WWOX: variants seen among roughly 807,000 people sequenced by gnomAD.
WWOX encodes the protein WW domain-containing oxidoreductase.
Under a neutral mutation model 46.2 loss-of-function variants are expected in WWOX, and 69 were observed. The ratio of observed to expected loss-of-function variants is 1.49; its 90% confidence interval spans 1.23 to 1.82. WWOX has a LOEUF of 1.82. WWOX is among the 40% of genes most tolerant of loss of function. The pLI is 0.00. For synonymous variants in WWOX, 359 were observed against 202.6 expected (o/e 1.77, Z -6.56); for missense variants, 919 against 542.6 (o/e 1.69, Z -6.89).
intron 8 of WWOX, among the ~76,000 whole-genome samples, chr16:78,631,540 C>CTTT (rs35592764): frequency 0.029 from 4,013 of 138,880 alleles, 362 homozygotes; most frequent in East Asian, 0.25. Context: ...TTAAAATATT[C>CTTT]TTTTTTTTTT....
intron 8 of WWOX, chr16:78,756,967 T>A (rs1199363824): frequency 4.3e-6 from 3 of 702,904 alleles, no homozygotes; most frequent in Non-Finnish European, 7.8e-6. Context: ...GTTGGGAGGA[T>A]ACTCAAGCAT....
At chr16:78,888,170 C>G (rs765897241) in intron 8 of WWOX, among the ~76,000 whole-genome samples, 3 of 152,160 alleles carry the variant, frequency 2.0e-5, no homozygotes, top group African/African-American at 7.2e-5. Context: ...AAGGTGAGCT[C>G]CTTAAAGATG....
intron 8 of WWOX, among the ~76,000 whole-genome samples, chr16:79,185,368 T>G (rs1057409905): frequency 6.6e-6 from 1 of 152,200 alleles, no homozygotes; most frequent in Non-Finnish European, 1.5e-5. Flanking sequence ...CTCTACTTAT[T>G]TACAGTTTGA....
chr16:79,128,569 C>G (rs1485054319), intron 8 of WWOX, among the ~76,000 whole-genome samples: 1 of 152,106 alleles, frequency 6.6e-6, no homozygotes, highest in Non-Finnish European at 1.5e-5. Context: ...ACTTTAAATC[C>G]TGAGCTTTAT....
chr16:78,247,222 C>A (rs1464555726), intron 5 of WWOX, among the ~76,000 whole-genome samples: 2 of 152,004 alleles, frequency 1.3e-5, no homozygotes, highest in Non-Finnish European at 2.9e-5. Context: ...CGCCCCCCTG[C>A]CAGCAGGAGG....
chr16:79,160,420 A>G (rs1245688486), intron 8 of WWOX, among the ~76,000 whole-genome samples: 1 of 152,092 alleles, frequency 6.6e-6, no homozygotes, highest in East Asian at 1.9e-4. Flanking sequence ...GCACCTCAGG[A>G]TCCTTGATCT....
rs570995956 is a variant in WWOX at position 78,190,075 on chromosome 16, C to T, written c.516+25786C>T. 5.1e-4 allele frequency among the ~76,000 whole-genome samples: 78 copies of T among 152,294 alleles called. 1 individual carries two copies. In the Middle Eastern group the frequency reaches 0.01, roughly 20 times the overall value. On this transcript the variant is annotated intron_variant, in intron 5 of 8. Transcript: ENST00000566780. ...GGTATTAATAGCTCCATCTTAGGAA[C>T]TATGAAAGTGAGGGGGGTGGTGGTA...
intron 8 of WWOX, among the ~76,000 whole-genome samples, chr16:78,570,226 G>T (rs1164310733): frequency 6.6e-6 from 1 of 152,176 alleles, no homozygotes; most frequent in Non-Finnish European, 1.5e-5. Context: ...TAGACTACGG[G>T]TCTGGGGCCC....
intron 8 of WWOX, among the ~76,000 whole-genome samples, chr16:79,099,600 G>C (rs2049150906): frequency 6.6e-6 from 1 of 151,530 alleles, no homozygotes; most frequent in Non-Finnish European, 1.5e-5. Context: ...TTGTGAGAGA[G>C]AGAGAGAGAG....
intron 8 of WWOX, among the ~76,000 whole-genome samples, chr16:79,119,072 A>G (rs551374925): frequency 9.2e-5 from 14 of 152,298 alleles, no homozygotes; most frequent in African/African-American, 3.4e-4. Context: ...GGTTGGGCAC[A>G]TTTTTTAAAG....
chr16:78,273,425 C>T (rs1342022677), intron 5 of WWOX, among the ~76,000 whole-genome samples: 4 of 152,178 alleles, frequency 2.6e-5, no homozygotes, highest in African/African-American at 4.8e-5. Flanking sequence ...CTGACCTCCA[C>T]GGTACCAGGC....
chr16:78,272,727 T>C (rs1300330761), intron 5 of WWOX, among the ~76,000 whole-genome samples: 1 of 152,234 alleles, frequency 6.6e-6, no homozygotes, highest in African/African-American at 2.4e-5. Context: ...TTTTTACCTA[T>C]AACAGCAGTA....
chr16:78,473,602 C>T (rs1473962383), intron 8 of WWOX, among the ~76,000 whole-genome samples: 2 of 149,046 alleles, frequency 1.3e-5, no homozygotes, highest in African/African-American at 2.5e-5. Flanking sequence ...ATTGTTGTCC[C>T]TCCTTTCCTA....
At chr16:78,915,772 A>G (rs865888898) in intron 8 of WWOX, among the ~76,000 whole-genome samples, 1 of 152,220 alleles carries the variant, frequency 6.6e-6, no homozygotes, top group African/African-American at 2.4e-5. Context: ...ATCACTTCGA[A>G]AAGGAACTTG....
chr16:78,783,682 G>C (rs995899457), intron 8 of WWOX, among the ~76,000 whole-genome samples: 1 of 152,096 alleles, frequency 6.6e-6, no homozygotes, highest in Non-Finnish European at 1.5e-5. Context: ...CTGAATAAAA[G>C]TATGATGATG....
intron 8 of WWOX, among the ~76,000 whole-genome samples, chr16:78,498,494 A>G (rs551612456): frequency 2.0e-5 from 3 of 152,312 alleles, no homozygotes; most frequent in Admixed American, 2.0e-4. Context: ...ACTGAGAAGC[A>G]CAAGGTGTGA....
chr16:79,088,410 G>C (rs1410419500), intron 8 of WWOX, among the ~76,000 whole-genome samples: 3 of 152,204 alleles, frequency 2.0e-5, no homozygotes, highest in African/African-American at 7.2e-5. Context: ...AGGGTTTGCT[G>C]AACACCGTAG....
chr16:78,386,231 G>C (rs2082057461), intron 5 of WWOX, among the ~76,000 whole-genome samples: 1 of 152,150 alleles, frequency 6.6e-6, no homozygotes, highest in South Asian at 2.1e-4. Flanking sequence ...CCCGTGGCAG[G>C]CCCTAAGTAC....
chr16:78,271,899 C>A (rs1329777798), intron 5 of WWOX, among the ~76,000 whole-genome samples: 1 of 152,130 alleles, frequency 6.6e-6, no homozygotes, highest in African/African-American at 2.4e-5. Flanking sequence ...ACCTGTATGG[C>A]CTTACGTTTT....
Sources: allele counts gnomAD v4.1 joint callset (sites outside exome capture counted in the v4.1 genomes callset), GRCh38; gene constraint gnomAD v4.1.1; transcripts MANE v1.5; gene names NCBI Gene and HGNC (gene_info 2026-07-23, HGNC 2026-07-21).